The following TMEM185A variants were observed in gnomAD, a reference collection of about 807,000 sequenced individuals.
The protein encoded by TMEM185A is transmembrane protein 185A.
Under a neutral mutation model 25.0 loss-of-function variants are expected in TMEM185A, and 9 were observed. That is an observed-to-expected ratio of 0.36 (90% CI 0.22 to 0.63). The LOEUF (loss-of-function observed/expected upper bound fraction) is 0.63, where lower values mean the gene tolerates loss of function less well. TMEM185A is among the 20% of genes least tolerant of loss of function. The pLI is 0.68. For missense variants in TMEM185A, 103 were observed against 237.4 expected (o/e 0.43, Z 3.72); for synonymous variants, 45 against 93.5 (o/e 0.48, Z 2.99).
At chrX:149,610,416 G>A (rs1422832943) in intron 2 of TMEM185A, among the ~76,000 whole-genome samples, 7 of 57,990 alleles carry the variant, frequency 1.2e-4, no homozygotes, top group Admixed American at 6.2e-4. Flanking sequence ...CAACAAGAGC[G>A]AAACTCTGTC....
intron 4 of TMEM185A, 51 bp downstream of exon 4, chrX:149,603,936 T>G: frequency 9.6e-7 from 1 of 1,043,756 alleles, no homozygotes; most frequent in Non-Finnish European, 1.3e-6. Flanking sequence ...GAATATGAAT[T>G]ACTTTTATAA....
intron 1 of TMEM185A, among the ~76,000 whole-genome samples, chrX:149,624,977 C>G (rs782120900): frequency 2.7e-5 from 3 of 112,216 alleles, no homozygotes; most frequent in East Asian, 5.6e-4. Flanking sequence ...TTTACCCATT[C>G]TAGCTTTAGC....
chrX:149,603,685 G>C (rs782297630), intron 4 of TMEM185A: 12 of 194,319 alleles, frequency 6.2e-5, no homozygotes, highest in Non-Finnish European at 7.5e-5. Flanking sequence ...AGAATATTTT[G>C]TATCAATTAA....
chrX:149,599,505 G>GGGCC, intron 6 of TMEM185A, 49 bp downstream of exon 6: 8 of 838,679 alleles, frequency 9.5e-6, no homozygotes, highest in Non-Finnish European at 1.1e-5. Context: ...CCACCCCCTG[G>GGGCC]TCCCCCCCCA....
chrX:149,608,659 C>T lies in TMEM185A; in HGVS notation c.391G>A (p.Val131Ile), dbSNP rs369179377. 11 of 1,209,936 alleles carry T rather than the reference C, an allele frequency of 9.1e-6. No homozygotes were observed. Among genetic ancestry groups the T allele is most frequent in the African/African-American group, 1.8e-5 (1 of 57,132 alleles). The change falls in exon 3 of 7, where the codon GTT (valine) becomes ATT (isoleucine). Residue 131 changes from valine (V) to isoleucine (I), a missense_variant. Coordinates refer to ENST00000600449, the MANE Select transcript of TMEM185A (RefSeq NM_032508.4). ...FVSPVSVAAC[V>I]WGFRHDRSLE... ...GACCTGTCATGTCGAAAGCCCCAAA[C>T]GCAAGCTGCAACAGACACCGGGGAA...
At chrX:149,607,778 G>A (rs913469318) in intron 3 of TMEM185A, among the ~76,000 whole-genome samples, 7 of 111,807 alleles carry the variant, frequency 6.3e-5, no homozygotes, top group Non-Finnish European at 1.1e-4. Flanking sequence ...TGGGGAGATG[G>A]TCAGTTTTGA....
intron 1 of TMEM185A, among the ~76,000 whole-genome samples, chrX:149,621,639 G>A (rs373334221): frequency 2.7e-5 from 3 of 111,749 alleles, no homozygotes; most frequent in Admixed American, 9.4e-5. Flanking sequence ...TATGGGTCTC[G>A]CTGGGCTAAA....
intron 1 of TMEM185A, among the ~76,000 whole-genome samples, chrX:149,618,191 A>G (rs782076167): frequency 4.5e-5 from 5 of 111,714 alleles, no homozygotes; most frequent in Admixed American, 9.5e-5. Flanking sequence ...ACAGGTCTCC[A>G]CTCGGGAAGA....
Position 149,621,221 on chromosome X carries a change from T to TG in TMEM185A, c.39-9759dup, listed in dbSNP as rs57644464. 5.0e-3 allele frequency among the ~76,000 whole-genome samples: 521 copies of TG among 103,998 alleles called. 2 individuals carry two copies. The highest frequency in any genetic ancestry group is 7.9e-3 in the African/African-American group (228 of 28,831). The allele number at this position is 103,998 out of a possible 115,157, so 90.3% of individuals were successfully genotyped here. On this transcript the variant is annotated intron_variant, in intron 1 of 6. Coordinates refer to ENST00000600449, the MANE Select transcript of TMEM185A (RefSeq NM_032508.4). ...AGACTATAAATAAAAAGTAAATTGGTGGGGGGGGGTGGTAAATGCTGTAAG... is the reference window on the plus strand; with the variant it reads ...AGACTATAAATAAAAAGTAAATTGGTGGGGGGGGGGTGGTAAATGCTGTAAG...
intron 1 of TMEM185A, among the ~76,000 whole-genome samples, chrX:149,611,779 C>T (rs2090085060): frequency 9.0e-6 from 1 of 111,672 alleles, no homozygotes; most frequent in Admixed American, 9.5e-5. Flanking sequence ...CACTCAGAAG[C>T]AGAGATGTGG....
intron 1 of TMEM185A, among the ~76,000 whole-genome samples, chrX:149,630,181 C>T (rs2090183897): frequency 9.0e-6 from 1 of 111,591 alleles, no homozygotes; most frequent in South Asian, 3.8e-4. Context: ...ATGTCTGCAC[C>T]GTGTTAGAGA....
chrX:149,608,936 A>C, intron 2 of TMEM185A, 102 bp from the exon 3 acceptor site: 8 of 774,196 alleles, frequency 1.0e-5, no homozygotes, highest in Non-Finnish European at 1.5e-5. Flanking sequence ...TTTGAATTTT[A>C]CTTGAAAATT....
At position 149,631,601 on chromosome X, in the gene TMEM185A, C is replaced by G; in HGVS notation, c.-21G>C. ...TTCATGGCGGAGAACTTCACCGCGG[C>G]GTCCTCCTCCTCCTCCCCCGCACCC... On this transcript the variant is annotated 5_prime_UTR_variant, in exon 1 of 7. Coordinates refer to ENST00000600449, the MANE Select transcript of TMEM185A (RefSeq NM_032508.4). The G allele has an allele frequency of 8.7e-7, 1 of 1,155,547 alleles. No homozygotes were observed. The highest frequency in any genetic ancestry group is 1.2e-6 in the Non-Finnish European group (1 of 865,342).
At chrX:149,609,761 T>C (rs1557354222) in intron 2 of TMEM185A, among the ~76,000 whole-genome samples, 1 of 112,471 alleles carries the variant, frequency 8.9e-6, no homozygotes, top group Non-Finnish European at 1.9e-5. Context: ...ACCACGCCTG[T>C]ACATTCCTTA....
intron 1 of TMEM185A, among the ~76,000 whole-genome samples, chrX:149,626,089 G>T (rs1602885560): frequency 8.9e-6 from 1 of 112,471 alleles, no homozygotes; most frequent in East Asian, 2.8e-4. Flanking sequence ...AAGCTGTCAA[G>T]ACTTTAAAAT....
rs2090193078 is a variant in TMEM185A at position 149,631,575 on chromosome X, G to A, written c.6C>T (p.Asn2=). ...TGAAGTCCTGGAAGAGGCCCCTCAG[G>A]TTCATGGCGGAGAACTTCACCGCGG... The part of the protein sequence containing the change: M[N]LRGLFQDFNP... Residue 2 remains asparagine (N), a synonymous_variant, in exon 1 of 7, where the codon AAC becomes AAT. Transcript: ENST00000600449. The A allele has an allele frequency of 8.6e-7, 1 of 1,168,912 alleles. No individual in the cohort carries two copies. Among genetic ancestry groups the A allele is most frequent in the South Asian group, 1.9e-5 (1 of 51,871 alleles).
At chrX:149,606,497 T>A (rs1207156422) in intron 3 of TMEM185A, among the ~76,000 whole-genome samples, 1 of 112,477 alleles carries the variant, frequency 8.9e-6, no homozygotes, top group Non-Finnish European at 1.9e-5. Context: ...TTTGCCCCAA[T>A]CCCTCTGTAG....
rs2090196295 is a variant in TMEM185A at position 149,631,724 on chromosome X, CG to C, written c.-145del. 7 of 465,400 alleles carry C rather than the reference CG, an allele frequency of 1.5e-5. No homozygotes were observed. In the African/African-American group the frequency reaches 2.1e-4, roughly 14 times the overall value. 38.4% of individuals were successfully genotyped at this position (465,400 alleles called of 1,213,427 possible). A position where few individuals can be genotyped will look rare whatever the true frequency, so the allele number is the denominator to read the frequency against. On this transcript the variant is annotated 5_prime_UTR_variant, in exon 1 of 7. Coordinates refer to ENST00000600449, the MANE Select transcript of TMEM185A (RefSeq NM_032508.4). ...CTACTGCTGCCGTCCCCGCTGCCGT[CG>C]CCGTCGCCGTCGCCGCCGCCGCCGC...
intron 1 of TMEM185A, among the ~76,000 whole-genome samples, chrX:149,619,682 G>A (rs1230598670): frequency 5.0e-4 from 52 of 104,614 alleles, no homozygotes; most frequent in African/African-American, 1.8e-3. Context: ...TCCCCAGAGT[G>A]TGATGTTCCC....
Sources: allele counts gnomAD v4.1 joint callset (sites outside exome capture counted in the v4.1 genomes callset), GRCh38; gene constraint gnomAD v4.1.1; transcripts MANE v1.5; gene names NCBI Gene and HGNC (gene_info 2026-07-23, HGNC 2026-07-21).